The following KIAA0825 variants were observed in gnomAD, a reference collection of about 807,000 sequenced individuals.
The protein encoded by KIAA0825 is uncharacterized protein KIAA0825.
Under a neutral mutation model 147.6 loss-of-function variants are expected in KIAA0825, and 119 were observed. The observed-to-expected ratio is 0.81, with a 90% CI of 0.69 to 0.94. KIAA0825 has a LOEUF of 0.94. KIAA0825 is among the 40% of genes least tolerant of loss of function. KIAA0825 has a pLI of 0.00. For missense variants in KIAA0825, 1,381 were observed against 1,472.7 expected, an observed-to-expected ratio of 0.94 and a Z score of 1.02; for synonymous variants, 470 against 518.1, an observed-to-expected ratio of 0.91 and a Z score of 1.26.
At chr5:94,350,128 T>C (rs1011865770) in intron 20 of KIAA0825, among the ~76,000 whole-genome samples, 5 of 151,932 alleles carry the variant, frequency 3.3e-5, no homozygotes, top group Non-Finnish European at 5.9e-5. Flanking sequence ...ATACAAAAGA[T>C]CATTCAAGGC....
intron 20 of KIAA0825, among the ~76,000 whole-genome samples, chr5:94,235,207 C>T (rs1386112959): frequency 6.6e-6 from 1 of 152,172 alleles, no homozygotes; most frequent in Admixed American, 6.5e-5. Context: ...ACCAGGCAGG[C>T]AGCCAGGTTG....
At chr5:94,273,558 A>G (rs1428462559) in intron 20 of KIAA0825, among the ~76,000 whole-genome samples, 2 of 152,110 alleles carry the variant, frequency 1.3e-5, no homozygotes, top group Non-Finnish European at 2.9e-5. Flanking sequence ...CCATTACTCC[A>G]TCTCTCCTTT....
chr5:94,252,110 T>A (rs1455611023), intron 20 of KIAA0825, among the ~76,000 whole-genome samples: 1 of 152,068 alleles, frequency 6.6e-6, no homozygotes, highest in African/African-American at 2.4e-5. Context: ...TCTTATGCTA[T>A]TAAAATCATT....
intron 14 of KIAA0825, among the ~76,000 whole-genome samples, chr5:94,423,449 A>C (rs1001929154): frequency 3.9e-5 from 6 of 152,184 alleles, no homozygotes; most frequent in African/African-American, 1.2e-4. Flanking sequence ...GCTTCAAAAG[A>C]AGGGTGGTTT....
intron 20 of KIAA0825, among the ~76,000 whole-genome samples, chr5:94,291,874 T>C (rs984502307): frequency 4.6e-4 from 70 of 152,218 alleles, no homozygotes; most frequent in African/African-American, 1.6e-3. Context: ...TTTGTAGCAG[T>C]TGTGAATGGG....
intron 5 of KIAA0825, chr5:94,519,859 T>C (rs1767828993): frequency 3.4e-6 from 2 of 587,874 alleles, no homozygotes; most frequent in Non-Finnish European, 4.3e-6. Flanking sequence ...TAACTGAGTA[T>C]ATGTGCTTAT....
rs1253002025 is a variant in KIAA0825 at position 94,584,051 on chromosome 5, C to G, written c.-152-1468G>C. On this transcript the variant is annotated intron_variant, in intron 1 of 20. Coordinates refer to ENST00000682413, the MANE Select transcript of KIAA0825 (RefSeq NM_001145678.3). Reference sequence around the variant, plus strand: ...TCCGTAGGTCACCAACATCAAAGACCAAAGGTTGATAAAACCACAAAGATG... The same window carrying G: ...TCCGTAGGTCACCAACATCAAAGACGAAAGGTTGATAAAACCACAAAGATG... Among the ~76,000 whole-genome samples, 6 of 152,148 alleles carry G rather than the reference C, an allele frequency of 3.9e-5. No homozygotes were observed. The South Asian group carries it at 1.2e-3, about 32-fold the overall frequency.
intron 20 of KIAA0825, among the ~76,000 whole-genome samples, chr5:94,191,442 C>T (rs1407704917): frequency 1.3e-5 from 2 of 152,078 alleles, no homozygotes; most frequent in Non-Finnish European, 2.9e-5. Flanking sequence ...AATACAGTTT[C>T]CTGAAAGGTA....
intron 20 of KIAA0825, among the ~76,000 whole-genome samples, chr5:94,371,384 A>G (rs776541106): frequency 3.3e-5 from 5 of 152,196 alleles, no homozygotes; most frequent in Non-Finnish European, 7.3e-5. Flanking sequence ...TTACGCTGCT[A>G]TAGGGACATA....
At chr5:94,209,545 G>T (rs1453319284) in intron 20 of KIAA0825, among the ~76,000 whole-genome samples, 1 of 152,120 alleles carries the variant, frequency 6.6e-6, no homozygotes, top group Non-Finnish European at 1.5e-5. Context: ...AGTTGAAAAG[G>T]GTTGTGCTCA....
intron 15 of KIAA0825, chr5:94,415,678 T>C (rs1165816477): frequency 6.6e-6 from 1 of 152,168 alleles, no homozygotes; most frequent in Non-Finnish European, 1.5e-5. Context: ...AGCTTTCACA[T>C]ATAATTCAGG....
chr5:94,303,676 C>G (rs17489029), intron 20 of KIAA0825, among the ~76,000 whole-genome samples: 3,931 of 152,222 alleles, frequency 0.026, 77 homozygotes, highest in Middle Eastern at 0.054. Flanking sequence ...AAAAACAACT[C>G]ATTCCCACAG....
Position 94,391,620 on chromosome 5 carries a change from A to T in KIAA0825, c.3371T>A (p.Ile1124Lys), listed in dbSNP as rs373480280. The change falls in exon 18 of 21, where the codon ATA (isoleucine) becomes AAA (lysine). Residue 1124 changes from isoleucine to lysine, a missense_variant. By Grantham distance (102) the Ile-to-Lys change is moderately radical. Transcript: ENST00000682413. ...GCAGAGATCCAGGACCATCGTGTTT[A>T]TTTTCTGCTCAGTCAGTTCAAGAGC... ...DVALELTEQK[I>K]NTMVLDLCHK... 2 of 1,551,532 alleles carry T rather than the reference A, an allele frequency of 1.3e-6. No individual in the cohort carries two copies.
chr5:94,289,924 TAA>T (rs11312776), intron 20 of KIAA0825, among the ~76,000 whole-genome samples: 6 of 138,248 alleles, frequency 4.3e-5, no homozygotes, highest in African/African-American at 1.3e-4. Context: ...GTGTGTGCTG[TAA>T]AAAAAAAAAA....
intron 20 of KIAA0825, among the ~76,000 whole-genome samples, chr5:94,302,018 C>T (rs529734266): frequency 6.6e-6 from 1 of 152,122 alleles, no homozygotes; most frequent in Non-Finnish European, 1.5e-5. Context: ...AACTGAAAGG[C>T]ATAAAAGGTG....
intron 20 of KIAA0825, among the ~76,000 whole-genome samples, chr5:94,261,148 T>C (rs1049287855): frequency 1.3e-5 from 2 of 151,048 alleles, no homozygotes; most frequent in Non-Finnish European, 3.0e-5. Context: ...ACAAAAATAT[T>C]TAAAATTAGC....
chr5:94,557,176 C>T (rs940795020), intron 2 of KIAA0825, among the ~76,000 whole-genome samples: 5 of 152,234 alleles, frequency 3.3e-5, no homozygotes, highest in African/African-American at 7.2e-5. Context: ...TGCAGTGGCA[C>T]GATCACAGTT....
Position 94,594,048 on chromosome 5 carries a change from G to A in KIAA0825, c.-152-11465C>T, listed in dbSNP as rs568732632. The A allele has an allele frequency of 8.4e-5, 44 of 523,840 alleles. 4 individuals carry two copies. Among genetic ancestry groups the A allele is most frequent in the South Asian group, 6.0e-4 (42 of 69,634 alleles). The allele number at this position is 523,840 out of a possible 1,614,324, so 32.4% of individuals were successfully genotyped here. ...GGGATGAAGTTTTTGGAACTTGCGT[G>A]CAACATCTTAATTTCTACTTAGGTA... On this transcript the variant is annotated intron_variant, in intron 1 of 20. Transcript: ENST00000682413.
At chr5:94,419,642 A>G (rs1012999499) in intron 14 of KIAA0825, among the ~76,000 whole-genome samples, 3 of 152,234 alleles carry the variant, frequency 2.0e-5, no homozygotes, top group Admixed American at 6.5e-5. Context: ...TGATTAATCA[A>G]CTGCTTCCTA....
Sources: gnomAD v4.1 joint callset for allele counts (sites outside exome capture counted in the v4.1 genomes callset) on GRCh38, gnomAD v4.1.1 for gene constraint, MANE v1.5 for transcripts, NCBI Gene and HGNC (gene_info 2026-07-23, HGNC 2026-07-21) for gene names.